Variants in SLC6A19 observed in about 807,000 individuals in gnomAD.
The protein encoded by SLC6A19 is solute carrier family 6 member 19.
In SLC6A19, 67 loss-of-function variants were observed where a neutral mutation model predicts 68.3. The ratio of observed to expected loss-of-function variants is 0.98; its 90% CI spans 0.81 to 1.20. SLC6A19 has a LOEUF of 1.20. Ranked by LOEUF, SLC6A19 falls within the 50% of genes most tolerant of loss-of-function variation. SLC6A19 has a pLI of 0.00. For missense variants in SLC6A19, 813 were observed against 851.6 expected, an observed-to-expected ratio of 0.95 and a Z score of 0.56; for synonymous variants, 392 against 374.9, an observed-to-expected ratio of 1.05 and a Z score of -0.53.
rs199521381 is a variant in SLC6A19 at position 1,219,676 on chromosome 5, G to A, written c.1538+12G>A. 43 of 1,602,022 alleles carry A rather than the reference G, an allele frequency of 2.7e-5. No individual in the cohort carries two copies. The highest frequency in any genetic ancestry group is 5.5e-5 in the South Asian group (5 of 91,088). ...TACGGTGTGGACAGGTAGGGGCCAC[G>A]GTGGGGACAGGTGCCTCTAATGCAG... On this transcript the variant is annotated intron_variant, in intron 10 of 11. Transcript: ENST00000304460.
At position 1,208,905 on chromosome 5, in the gene SLC6A19, TTCC is replaced by T. The variant is rs1745933600; in HGVS notation, c.343+20_343+22del. The stretch of plus-strand genomic sequence containing the variant: ...GGCCTAGGTGAGTGCCTCGGAGCAG[TTCC>T]ACCCGGGCCCAGGGGTCGCCTCTGC... On this transcript the variant is annotated intron_variant, in intron 2 of 11. Transcript: ENST00000304460. 1.9e-6 allele frequency: 3 copies of T among 1,601,402 alleles called. No homozygotes were observed. Among genetic ancestry groups the T allele is most frequent in the Non-Finnish European group, 2.6e-6 (3 of 1,173,914 alleles).
chr5:1,206,673 C>G (rs527747018), intron 1 of SLC6A19, among the ~76,000 whole-genome samples: 1 of 151,968 alleles, frequency 6.6e-6, no homozygotes, highest in Non-Finnish European at 1.5e-5. Context: ...GGGCTTGGCT[C>G]TGCTGGTGGG....
At chr5:1,201,953 C>A in intron 1 of SLC6A19, 101 bp downstream of exon 1, 1 of 1,423,604 alleles carries the variant, frequency 7.0e-7, no homozygotes, top group South Asian at 1.3e-5. Flanking sequence ...CTCGGCTCCC[C>A]AAGCACGGAG....
At chr5:1,204,768 C>T (rs1207845017) in intron 1 of SLC6A19, among the ~76,000 whole-genome samples, 2 of 152,228 alleles carry the variant, frequency 1.3e-5, no homozygotes, top group Non-Finnish European at 2.9e-5. Context: ...CCATGTGGCG[C>T]CAGCACAGCT....
Position 1,215,573 on chromosome 5 carries a change from G to A in SLC6A19, c.888-985G>A, listed in dbSNP as rs368513345. 6.4e-4 allele frequency among the ~76,000 whole-genome samples: 98 copies of A among 152,380 alleles called. No individual in the cohort carries two copies. Among genetic ancestry groups the A allele is most frequent in the East Asian group, 1.7e-3 (9 of 5,182 alleles). On this transcript the variant is annotated intron_variant, in intron 6 of 11. Coordinates refer to ENST00000304460, the MANE Select transcript of SLC6A19 (RefSeq NM_001003841.3). This position sits in a 1 kb window ranked among gnomAD's most constrained non-coding sequence, Gnocchi z 5.1. Reference sequence around the variant, plus strand: ...CAAGGCTCATCCCATCACAGCCGGCGTCAGAGCGCCATTCCTGTTTAGGGC... The same window carrying A: ...CAAGGCTCATCCCATCACAGCCGGCATCAGAGCGCCATTCCTGTTTAGGGC...
intron 1 of SLC6A19, among the ~76,000 whole-genome samples, chr5:1,207,165 TCTC>T (rs1376566009): frequency 7.2e-5 from 11 of 152,172 alleles, no homozygotes; most frequent in Non-Finnish European, 1.6e-4. Flanking sequence ...CCCTCGTCCT[TCTC>T]CACCTTCGAG....
In SLC6A19 at chr5:1,209,018, A is replaced by C. The variant is rs1455914082; in HGVS notation, c.343+132A>C. 3 of 1,253,492 alleles carry C rather than the reference A, an allele frequency of 2.4e-6. No homozygotes were observed. In the Admixed American group the frequency reaches 7.9e-5, roughly 33 times the overall value. 77.6% of individuals were successfully genotyped at this position (1,253,492 alleles called of 1,614,324 possible). A position where few individuals can be genotyped will look rare whatever the true frequency, so the allele number is the denominator to read the frequency against. On this transcript the variant is annotated intron_variant, in intron 2 of 11. Transcript: ENST00000304460. This position sits in a 1 kb window ranked among gnomAD's most constrained non-coding sequence, Gnocchi z 5.5. ...GCCTTCCCTGTCTGTTTCTGGTGCAACAAAGGTCCCAGCTTCATCTCCTGG... is the reference window on the plus strand; with the variant it reads ...GCCTTCCCTGTCTGTTTCTGGTGCACCAAAGGTCCCAGCTTCATCTCCTGG...
Position 1,221,701 on chromosome 5 carries a change from G to T in SLC6A19, c.1702G>T (p.Glu568Ter), listed in dbSNP as rs921542756. ...CTCACCCATGGGGCTCTCTCCCCAG[G>T]AGGAATTTCCCAAATCCCAGAAGAT... The part of the protein sequence containing the change: ...LTYSIWDPGY[E>*]EFPKSQKISY... The change falls in exon 12 of 12, where the codon GAG becomes TAG. Residue 568 changes from glutamate (E) to a stop codon, truncating the protein, a stop_gained and splice_region_variant. Coordinates refer to ENST00000304460, the MANE Select transcript of SLC6A19 (RefSeq NM_001003841.3). LOFTEE classifies it low-confidence loss of function (END_TRUNC). 3.1e-6 allele frequency: 5 copies of T among 1,613,818 alleles called. No homozygotes were observed. Among genetic ancestry groups the T allele is most frequent in the African/African-American group, 2.7e-5 (2 of 74,920 alleles).
Position 1,210,489 on chromosome 5 carries a change from A to T in SLC6A19, c.389A>T (p.Asn130Ile). 1 of 1,613,434 alleles carries T rather than the reference A, an allele frequency of 6.2e-7. No homozygotes were observed. Reference protein sequence around the residue: ...LTSFMVGLYYNTIISWIMWYL... With the variant: ...LTSFMVGLYYITIISWIMWYL... ...TCCTTCATGGTGGGACTGTATTACAACACCATCATCTCCTGGATCATGTGG... is the reference window on the plus strand; with the variant it reads ...TCCTTCATGGTGGGACTGTATTACATCACCATCATCTCCTGGATCATGTGG... Residue 130 changes from asparagine (N) to isoleucine (I), a missense_variant, in exon 3 of 12, where the codon AAC (asparagine) becomes ATC (isoleucine). Transcript: ENST00000304460.
At chr5:1,205,490 G>C (rs1376232299) in intron 1 of SLC6A19, among the ~76,000 whole-genome samples, 1 of 152,178 alleles carries the variant, frequency 6.6e-6, no homozygotes, top group East Asian at 1.9e-4. Context: ...CCCAGGGGTT[G>C]GGGATTTGAG....
Position 1,213,467 on chromosome 5 carries a change from T to TG in SLC6A19, c.669dup (p.Tyr224ValfsTer129), listed in dbSNP as rs752469667. On this transcript the variant is annotated frameshift_variant, in exon 5 of 12. Transcript: ENST00000304460. LOFTEE classifies it high-confidence loss of function. ...CACATGTCCCGCCCTCCGCAGGCCG[T>TG]GTACATCACCTCCACGCTGCCCTAT... 6.9e-7 allele frequency: 1 copy of TG among 1,447,134 alleles called. No homozygotes were observed. Among genetic ancestry groups the TG allele is most frequent in the Non-Finnish European group, 9.3e-7 (1 of 1,080,982 alleles). The allele number at this position is 1,447,134 out of a possible 1,614,324, so 89.6% of individuals were successfully genotyped here.
At position 1,216,633 on chromosome 5, in the gene SLC6A19, C is replaced by A; in HGVS notation, c.963C>A (p.Val321=). ...GFTSVYVAIV[V]YSVIGFRATQ... is the part of the protein sequence containing the mutation. ...CATCGGTGTATGTGGCCATCGTGGT[C>A]TACTCCGTCATTGGGTTCCGCGCCA... Residue 321 remains valine (V), a synonymous_variant, in exon 7 of 12, where the codon GTC becomes GTA. Transcript: ENST00000304460. 6.2e-7 allele frequency: 1 copy of A among 1,614,084 alleles called. No homozygotes were observed. Among genetic ancestry groups the A allele is most frequent in the South Asian group, 1.1e-5 (1 of 91,084 alleles).
intron 1 of SLC6A19, among the ~76,000 whole-genome samples, chr5:1,208,370 C>T (rs887053191): frequency 1.2e-4 from 18 of 152,076 alleles, no homozygotes; most frequent in African/African-American, 3.6e-4. Flanking sequence ...GCAAAAGCAG[C>T]TCCTCCGTGG....
Position 1,209,004 on chromosome 5 carries a change from C to T in SLC6A19, c.343+118C>T, listed in dbSNP as rs191798547. ...GGTGCCCCTGCTCTGCCTTCCCTGT[C>T]TGTTTCTGGTGCAACAAAGGTCCCA... On this transcript the variant is annotated intron_variant, in intron 2 of 11. Coordinates refer to ENST00000304460, the MANE Select transcript of SLC6A19 (RefSeq NM_001003841.3). This position sits in a 1 kb window ranked among gnomAD's most constrained non-coding sequence, Gnocchi z 5.5. 1.4e-4 allele frequency: 189 copies of T among 1,350,186 alleles called. 1 individual carries two copies. In the African/African-American group the frequency reaches 2.1e-3, roughly 15 times the overall value. 83.6% of individuals were successfully genotyped at this position (1,350,186 alleles called of 1,614,324 possible). A position where few individuals can be genotyped will look rare whatever the true frequency, so the allele number is the denominator to read the frequency against.
In SLC6A19 at chr5:1,212,570, C is replaced by A. The variant is rs1746074993; in HGVS notation, c.663+86C>A. ...CTCCGGCCGGCTGCACTCTAAAACC[C>A]AGGTCTGGGGGTCCCGGGCTCTGCC... is the stretch of plus-strand genomic sequence containing the variant. On this transcript the variant is annotated intron_variant, in intron 4 of 11. Coordinates refer to ENST00000304460, the MANE Select transcript of SLC6A19 (RefSeq NM_001003841.3). This position sits in a 1 kb window ranked among gnomAD's most constrained non-coding sequence, Gnocchi z 5.1. 3 of 1,547,942 alleles carry A rather than the reference C, an allele frequency of 1.9e-6. No individual in the cohort carries two copies. Among genetic ancestry groups the A allele is most frequent in the Non-Finnish European group, 1.8e-6 (2 of 1,138,144 alleles).
At chr5:1,221,590 T>G in intron 11 of SLC6A19, 111 bp from the exon 12 acceptor site, 1 of 1,381,748 alleles carries the variant, frequency 7.2e-7, no homozygotes, top group Non-Finnish European at 1.0e-6. Context: ...CAGGCCACCC[T>G]GCCTGCCCCA....
In SLC6A19 at chr5:1,214,053, A is replaced by G. The variant is rs1337982294; in HGVS notation, c.875A>G (p.Tyr292Cys). The part of the protein sequence containing the change: ...AFGGLISFSS[Y>C]NSVHNNCEKD... ...GGGGGCCTCATCTCCTTCTCCAGCT[A>G]CAACTCTGTGCAGTGAGTGCGGGTG... Residue 292 changes from tyrosine (Y) to cysteine (C), a missense_variant, in exon 6 of 12, where the codon TAC (tyrosine) becomes TGC (cysteine). By Grantham distance (194) the Tyr-to-Cys change is radical. Transcript: ENST00000304460. This position sits in a 1 kb window ranked among gnomAD's most constrained non-coding sequence, Gnocchi z 7.4. 1.9e-6 allele frequency: 3 copies of G among 1,613,656 alleles called. No individual in the cohort carries two copies. Among genetic ancestry groups the G allele is most frequent in the Non-Finnish European group, 8.5e-7 (1 of 1,179,984 alleles).
intron 8 of SLC6A19, among the ~76,000 whole-genome samples, chr5:1,217,169 A>G (rs1746234362): frequency 6.6e-6 from 1 of 152,232 alleles, no homozygotes; most frequent in Non-Finnish European, 1.5e-5. Context: ...CTGTTAACGC[A>G]GAGGCGTAGG....
intron 3 of SLC6A19, among the ~76,000 whole-genome samples, chr5:1,211,750 TTG>T (rs1245060711): frequency 6.6e-6 from 1 of 150,522 alleles, no homozygotes; most frequent in Non-Finnish European, 1.5e-5. Flanking sequence ...ACAGTCACGC[TTG>T]TGTGCTGTGT....
Sources: gnomAD v4.1 joint callset for allele counts (sites outside exome capture counted in the v4.1 genomes callset) on GRCh38, gnomAD v4.1.1 for gene constraint, Gnocchi (gnomAD v3.1) non-coding constraint, MANE v1.5 for transcripts, NCBI Gene and HGNC (gene_info 2026-07-23, HGNC 2026-07-21) for gene names.